The following PACSIN3 variants were observed in gnomAD, a reference collection of about 807,000 sequenced individuals.
The protein encoded by PACSIN3 is protein kinase C and casein kinase substrate in neurons 3, also known as protein kinase C and casein kinase substrate in neurons protein 3.
Under a neutral mutation model 56.1 loss-of-function variants are expected in PACSIN3, and 34 were observed. That is an observed-to-expected ratio of 0.61 (90% CI 0.46 to 0.81). The LOEUF is 0.81. PACSIN3 is among the 30% of genes least tolerant of loss of function. The pLI, the probability that PACSIN3 is intolerant of heterozygous loss-of-function variation, is 0.00. For missense variants in PACSIN3, 535 were observed against 592.4 expected (o/e 0.90, Z 1.01); for synonymous variants, 218 against 229.8 (o/e 0.95, Z 0.46).
intron 1 of PACSIN3, among the ~76,000 whole-genome samples, chr11:47,184,014 CAA>C (rs58025457): frequency 1.6e-4 from 19 of 116,230 alleles, no homozygotes; most frequent in South Asian, 5.5e-4. Flanking sequence ...GAGACTGTCT[CAA>C]AAAAAAAAAA....
rs563675998 is a variant in PACSIN3 at position 47,179,228 on chromosome 11, G to A, written c.831C>T (p.Asp277=). 24 of 1,613,956 alleles carry A rather than the reference G, an allele frequency of 1.5e-5. No individual in the cohort carries two copies. The highest frequency in any genetic ancestry group is 6.7e-5 in the African/African-American group (5 of 75,016). ...TGCGCCACCAGCGCAGATCCTCTTCGTCACTGGCTGCCTCAATGCCCTGGT... is the reference window on the plus strand; with the variant it reads ...TGCGCCACCAGCGCAGATCCTCTTCATCACTGGCTGCCTCAATGCCCTGGT... ...DLHQGIEAAS[D]EEDLRWWRST... Residue 277 remains aspartate, a synonymous_variant, in exon 8 of 11, where the codon GAC becomes GAT. Coordinates refer to ENST00000298838, the MANE Select transcript of PACSIN3 (RefSeq NM_016223.5). The surrounding 1 kb of genome is among the most constrained non-coding windows in gnomAD (Gnocchi z 4.4).
rs1311824344 is a variant in PACSIN3, at chr11:47,178,060, G to T, written c.1160-14C>A. 3.1e-6 allele frequency: 5 copies of T among 1,605,802 alleles called. No individual in the cohort carries two copies. The highest frequency in any genetic ancestry group is 4.3e-6 in the Non-Finnish European group (5 of 1,173,436). ...GCAGCTCCTCCCCTGGGGGAAAGGG[G>T]ATTGGTCACTGCCAGTGGCCCTGGC... On this transcript the variant is annotated splice_polypyrimidine_tract_variant and intron_variant, in intron 10 of 10. Coordinates refer to ENST00000298838, the MANE Select transcript of PACSIN3 (RefSeq NM_016223.5). This position sits in a 1 kb window ranked among gnomAD's most constrained non-coding sequence, Gnocchi z 4.2.
Position 47,178,578 on chromosome 11 carries a change from C to T in PACSIN3, c.1038-91G>A, listed in dbSNP as rs1952942442. The T allele has an allele frequency of 6.7e-7, 1 of 1,484,870 alleles. No homozygotes were observed. Among genetic ancestry groups the T allele is most frequent in the Non-Finnish European group, 9.1e-7 (1 of 1,100,984 alleles). 92.0% of individuals were successfully genotyped at this position (1,484,870 alleles called of 1,614,324 possible). ...GGATCAGGGCAAAGGCCTCCCTACCCCCAGAGGCACCTGGGAGAGTCAGGT... is the reference window on the plus strand; with the variant it reads ...GGATCAGGGCAAAGGCCTCCCTACCTCCAGAGGCACCTGGGAGAGTCAGGT... On this transcript the variant is annotated intron_variant, in intron 9 of 10. Coordinates refer to ENST00000298838, the MANE Select transcript of PACSIN3 (RefSeq NM_016223.5). The surrounding 1 kb of genome is among the most constrained non-coding windows in gnomAD (Gnocchi z 4.2).
Position 47,178,178 on chromosome 11 carries a change from G to T in PACSIN3, c.1160-132C>A. 1 of 1,157,136 alleles carries T rather than the reference G, an allele frequency of 8.6e-7. No individual in the cohort carries two copies. Among genetic ancestry groups the T allele is most frequent in the East Asian group, 2.4e-5 (1 of 41,698 alleles). The allele number at this position is 1,157,136 out of a possible 1,614,324, so 71.7% of individuals were successfully genotyped here. A position where few individuals can be genotyped will look rare whatever the true frequency, so the allele number is the denominator to read the frequency against. On this transcript the variant is annotated intron_variant, in intron 10 of 10. Transcript: ENST00000298838. The surrounding 1 kb of genome is among the most constrained non-coding windows in gnomAD (Gnocchi z 4.2). The stretch of plus-strand genomic sequence containing the variant: ...AAAGACATGGCTCAGGCAGAGGCAG[G>T]TCAAGGTCAGCAAGCTGCCCCACCC...
Position 47,178,139 on chromosome 11 carries a change from A to G in PACSIN3, c.1160-93T>C. On this transcript the variant is annotated intron_variant, in intron 10 of 10. Transcript: ENST00000298838. This position sits in a 1 kb window ranked among gnomAD's most constrained non-coding sequence, Gnocchi z 4.2. ...GGACTGAGGGGGATGGTGTGGTCCC[A>G]GAGCCCAGCTAGCAAAGACATGGCT... 1 of 1,265,388 alleles carries G rather than the reference A, an allele frequency of 7.9e-7. No individual in the cohort carries two copies. Among genetic ancestry groups the G allele is most frequent in the Non-Finnish European group, 1.1e-6 (1 of 894,000 alleles). 78.4% of individuals were successfully genotyped at this position (1,265,388 alleles called of 1,614,324 possible).
At position 47,179,953 on chromosome 11, in the gene PACSIN3, C is replaced by T. The variant is rs1254548457; in HGVS notation, c.603+233G>A. 6.6e-6 allele frequency among the ~76,000 whole-genome samples: 1 copy of T among 152,224 alleles called. No individual in the cohort carries two copies. ...AAAGGGTACTGTGCAAGGAAAAGAG[C>T]TGGAAGTTCTCAACTGCTGAAGTCA... On this transcript the variant is annotated intron_variant, in intron 6 of 10. Transcript: ENST00000298838. This position sits in a 1 kb window ranked among gnomAD's most constrained non-coding sequence, Gnocchi z 4.4.
intron 4 of PACSIN3, among the ~76,000 whole-genome samples, chr11:47,181,775 A>G (rs1295100245): frequency 6.6e-6 from 1 of 152,126 alleles, no homozygotes; most frequent in Non-Finnish European, 1.5e-5. Flanking sequence ...GGAGAGGGAG[A>G]GGTTGCAGTG....
intron 1 of PACSIN3, among the ~76,000 whole-genome samples, chr11:47,183,912 C>T (rs1953074166): frequency 6.6e-6 from 1 of 151,890 alleles, no homozygotes; most frequent in Admixed American, 6.6e-5. Context: ...GTCCCAGCTA[C>T]TTAGGAGGCT....
intron 1 of PACSIN3, among the ~76,000 whole-genome samples, chr11:47,183,956 A>C (rs1329281303): frequency 6.6e-6 from 1 of 151,658 alleles, no homozygotes; most frequent in Admixed American, 6.6e-5. Flanking sequence ...TAGGAGGCGG[A>C]GGAGGTTGCG....
At position 47,183,001 on chromosome 11, in the gene PACSIN3, T is replaced by G; in HGVS notation, c.-38+3A>C. The stretch of plus-strand genomic sequence containing the variant: ...GCACTTCCCCCCCCGCCCCCCCACA[T>G]ACCTGGGGCCTAGAGATCACTTCAA... On this transcript the variant is annotated splice_donor_region_variant and intron_variant, in intron 2 of 10. Coordinates refer to ENST00000298838, the MANE Select transcript of PACSIN3 (RefSeq NM_016223.5). 4.8e-5 allele frequency: 17 copies of G among 357,604 alleles called. No individual in the cohort carries two copies. Among genetic ancestry groups the G allele is most frequent in the Middle Eastern group, 7.2e-4 (1 of 1,380 alleles). The allele number at this position is 357,604 out of a possible 1,614,324, so 22.2% of individuals were successfully genotyped here.
Sources: gnomAD v4.1 joint callset for allele counts (sites outside exome capture counted in the v4.1 genomes callset) on GRCh38, gnomAD v4.1.1 for gene constraint, Gnocchi (gnomAD v3.1) non-coding constraint, MANE v1.5 for transcripts, NCBI Gene and HGNC (gene_info 2026-07-23, HGNC 2026-07-21) for gene names.